NDUFAF2: variants seen among roughly 807,000 people sequenced by gnomAD.
NDUFAF2 encodes the protein NADH dehydrogenase [ubiquinone] 1 alpha subcomplex assembly factor 2.
A neutral mutation model predicts 22.8 loss-of-function variants in NDUFAF2; 13 were observed. That is an observed-to-expected ratio of 0.57 (90% CI 0.37 to 0.91). NDUFAF2 has a LOEUF of 0.91. Ranked by LOEUF, NDUFAF2 falls within the 40% of genes least tolerant of loss-of-function variation. The pLI is 0.01. For synonymous variants in NDUFAF2, 53 were observed against 64.2 expected, an observed-to-expected ratio of 0.83 and a Z score of 0.84; for missense variants, 162 against 195.2, an observed-to-expected ratio of 0.83 and a Z score of 1.01.
intron 3 of NDUFAF2, among the ~76,000 whole-genome samples, chr5:61,125,373 T>A (rs1429846294): frequency 6.6e-6 from 1 of 152,006 alleles, no homozygotes; most frequent in African/African-American, 2.4e-5. Flanking sequence ...GTGGTTCTAA[T>A]AGCATCTCTA....
At chr5:61,131,590 T>C (rs1182331091) in intron 3 of NDUFAF2, among the ~76,000 whole-genome samples, 1 of 152,154 alleles carries the variant, frequency 6.6e-6, no homozygotes, top group Non-Finnish European at 1.5e-5. Flanking sequence ...TAAACATTCA[T>C]CTATAGGGGA....
intron 3 of NDUFAF2, among the ~76,000 whole-genome samples, chr5:61,138,486 A>G (rs1432462722): frequency 6.6e-6 from 1 of 152,174 alleles, no homozygotes; most frequent in Non-Finnish European, 1.5e-5. Flanking sequence ...ACATCCCAGT[A>G]ACAGCCTCCT....
chr5:61,105,019 A>G (rs1752745635), intron 3 of NDUFAF2, among the ~76,000 whole-genome samples: 1 of 151,984 alleles, frequency 6.6e-6, no homozygotes, highest in Non-Finnish European at 1.5e-5. Flanking sequence ...TCCTTTTCCC[A>G]TGGACAGTGT....
At chr5:61,061,934 A>G (rs145151648) in intron 1 of NDUFAF2, among the ~76,000 whole-genome samples, 1 of 152,322 alleles carries the variant, frequency 6.6e-6, no homozygotes, top group Non-Finnish European at 1.5e-5. Flanking sequence ...AGGCACCTGA[A>G]GTTATTTCCA....
intron 1 of NDUFAF2, 115 bp downstream of exon 1, chr5:60,945,497 C>T: frequency 4.8e-6 from 7 of 1,449,514 alleles, no homozygotes; most frequent in Non-Finnish European, 6.7e-6. Context: ...AGGGTGTCAC[C>T]GGAGAGAATT....
chr5:61,070,166 TTA>T (rs774677086), intron 1 of NDUFAF2, among the ~76,000 whole-genome samples: 1 of 152,206 alleles, frequency 6.6e-6, no homozygotes, highest in Non-Finnish European at 1.5e-5. Context: ...TAAATGTAAA[TTA>T]GAACCTAAAA....
chr5:60,960,243 ATAG>A (rs1361387800), intron 1 of NDUFAF2, among the ~76,000 whole-genome samples: 4 of 152,156 alleles, frequency 2.6e-5, no homozygotes, highest in African/African-American at 4.8e-5. Context: ...TATATTAAGA[ATAG>A]TAGTGTCAAT....
At chr5:61,040,251 G>GACACACACACAC (rs55910021) in intron 1 of NDUFAF2, among the ~76,000 whole-genome samples, 205 of 131,962 alleles carry the variant, frequency 1.6e-3, no homozygotes, top group East Asian at 3.6e-3. Context: ...AAGAGGAAAG[G>GACACACACACAC]ACACACACAC....
At chr5:61,012,829 G>A (rs1751458528) in intron 1 of NDUFAF2, among the ~76,000 whole-genome samples, 2 of 151,728 alleles carry the variant, frequency 1.3e-5, no homozygotes, top group East Asian at 1.9e-4. Flanking sequence ...CAAAGAAATG[G>A]GGCAAAGTAA....
chr5:60,986,801 G>A (rs1258653820), intron 1 of NDUFAF2, among the ~76,000 whole-genome samples: 4 of 151,744 alleles, frequency 2.6e-5, no homozygotes, highest in Non-Finnish European at 4.4e-5. Context: ...GCGTGGTGGC[G>A]GGTGCCTGCA....
At chr5:61,123,333 A>G (rs1391328237) in intron 3 of NDUFAF2, among the ~76,000 whole-genome samples, 1 of 152,140 alleles carries the variant, frequency 6.6e-6, no homozygotes. Flanking sequence ...GAGTGTACTT[A>G]GGGAAAACTA....
chr5:60,962,615 G>A (rs918430158), intron 1 of NDUFAF2, among the ~76,000 whole-genome samples: 12 of 151,944 alleles, frequency 7.9e-5, no homozygotes, highest in Non-Finnish European at 1.2e-4. Context: ...GGCAGATCAC[G>A]AGGTCAGGAG....
chr5:61,021,142 T>C (rs910863729), intron 1 of NDUFAF2, among the ~76,000 whole-genome samples: 1 of 152,152 alleles, frequency 6.6e-6, no homozygotes, highest in East Asian at 1.9e-4. Context: ...TACTGCAAAT[T>C]TAGTGGCTTA....
chr5:61,041,700 T>C (rs1751884970), intron 1 of NDUFAF2, among the ~76,000 whole-genome samples: 1 of 152,196 alleles, frequency 6.6e-6, no homozygotes, highest in Admixed American at 6.5e-5. Flanking sequence ...AATCTTTATG[T>C]GTCCATGGGC....
intron 1 of NDUFAF2, among the ~76,000 whole-genome samples, chr5:61,010,296 A>G (rs1481080763): frequency 6.6e-6 from 1 of 152,230 alleles, no homozygotes; most frequent in Middle Eastern, 3.4e-3. Context: ...TTTAGGAGGC[A>G]TTATTACAAG....
At chr5:61,026,284 G>C (rs1480390537) in intron 1 of NDUFAF2, among the ~76,000 whole-genome samples, 1 of 151,920 alleles carries the variant, frequency 6.6e-6, no homozygotes, top group African/African-American at 2.4e-5. Context: ...CGTGAGGCTA[G>C]CATTTTTCCT....
intron 1 of NDUFAF2, among the ~76,000 whole-genome samples, chr5:61,043,495 A>T (rs1186755068): frequency 6.6e-6 from 1 of 151,946 alleles, no homozygotes; most frequent in Non-Finnish European, 1.5e-5. Context: ...CAAACCCCTC[A>T]CCCACAGTTT....
chr5:61,028,068 G>A (rs1460168459), intron 1 of NDUFAF2, among the ~76,000 whole-genome samples: 2 of 151,972 alleles, frequency 1.3e-5, no homozygotes, highest in Non-Finnish European at 1.5e-5. Flanking sequence ...AAGTAGAAAT[G>A]TGCAAAACTT....
At chr5:61,025,682 T>C (rs569992531) in intron 1 of NDUFAF2, among the ~76,000 whole-genome samples, 22 of 152,018 alleles carry the variant, frequency 1.4e-4, no homozygotes, top group Non-Finnish European at 3.1e-4. Flanking sequence ...TCATTAACCT[T>C]GAAGTTACTA....
Sources: allele counts gnomAD v4.1 joint callset (sites outside exome capture counted in the v4.1 genomes callset), GRCh38; gene constraint gnomAD v4.1.1; transcripts MANE v1.5; gene names NCBI Gene and HGNC (gene_info 2026-07-23, HGNC 2026-07-21).